GADL1: variants seen among roughly 807,000 people sequenced by gnomAD.
GADL1 encodes GAD like acidic amino acid decarboxylase 1.
GADL1 carries 71 observed loss-of-function variants against 69.5 expected under a neutral mutation model. The observed-to-expected ratio is 1.02, with a 90% CI of 0.84 to 1.25. The LOEUF is 1.25. Among genes scored for constraint, GADL1 ranks in the 50% most tolerant of loss-of-function variants. The pLI is 0.00. For missense variants in GADL1, 737 were observed against 631.8 expected (o/e 1.17, Z -1.79); for synonymous variants, 254 against 214.4 (o/e 1.18, Z -1.62).
chr3:30,834,218 T>C lies in GADL1; in HGVS notation c.967A>G (p.Arg323Gly). 6.2e-7 allele frequency: 1 copy of C among 1,612,236 alleles called. No individual in the cohort carries two copies. Among genetic ancestry groups the C allele is most frequent in the Non-Finnish European group, 8.5e-7 (1 of 1,178,658 alleles). Residue 323 changes from arginine to glycine, a missense_variant and splice_region_variant, in exon 10 of 15, where the codon AGG (arginine) becomes GGG (glycine). By Grantham distance (125) the Arg-to-Gly change is moderately radical (BLOSUM62 -2). Coordinates refer to ENST00000282538, the MANE Select transcript of GADL1 (RefSeq NM_207359.3). ...KHRKLLHGIH[R>G]ADSVAWNPHK... ...TGTACACCAGGAAACTACATTTACC[T>C]GTGGATGCCATGCAGAAGCTTGCGG... is the stretch of plus-strand genomic sequence containing the variant.
intron 1 of GADL1, among the ~76,000 whole-genome samples, chr3:30,888,663 GAGA>G (rs1698741611): frequency 6.6e-6 from 1 of 152,110 alleles, no homozygotes; most frequent in African/African-American, 2.4e-5. Flanking sequence ...CTTTCTTCAA[GAGA>G]AGGAGTATAT....
intron 8 of GADL1, among the ~76,000 whole-genome samples, chr3:30,840,156 T>C (rs777816856): frequency 5.3e-5 from 8 of 152,136 alleles, no homozygotes; most frequent in Non-Finnish European, 8.8e-5. Flanking sequence ...TTTTTTCCCC[T>C]CAGTTTTATA....
Position 30,778,179 on chromosome 3 carries a change from CA to C in GADL1, c.1391del (p.Leu464TrpfsTer10). 1.3e-6 allele frequency: 2 copies of C among 1,564,612 alleles called. No individual in the cohort carries two copies. The highest frequency in any genetic ancestry group is 8.8e-7 in the Non-Finnish European group (1 of 1,136,012). On this transcript the variant is annotated frameshift_variant and splice_region_variant, in exon 14 of 15. Coordinates refer to ENST00000282538, the MANE Select transcript of GADL1 (RefSeq NM_207359.3). LOFTEE classifies it high-confidence loss of function. ...EGPEFWAKLN[L>X]VAPAIKERMM... ...AAAATACCATTTACTTATTACTTAC[CA>C]AATTAAGTTTTGCCCAGAACTCGGG...
intron 14 of GADL1, among the ~76,000 whole-genome samples, chr3:30,732,683 G>T (rs927240717): frequency 6.6e-6 from 1 of 152,150 alleles, no homozygotes; most frequent in Non-Finnish European, 1.5e-5. Context: ...AAAATAAAAT[G>T]ATAATTTCCA....
intron 8 of GADL1, among the ~76,000 whole-genome samples, chr3:30,843,075 C>T (rs1480147418): frequency 6.6e-6 from 1 of 152,016 alleles, no homozygotes; most frequent in Non-Finnish European, 1.5e-5. Flanking sequence ...TGTATCCCAG[C>T]TCAGGAGCCA....
intron 1 of GADL1, among the ~76,000 whole-genome samples, chr3:30,889,048 A>T (rs1157773662): frequency 4.1e-5 from 6 of 146,466 alleles, no homozygotes; most frequent in African/African-American, 1.5e-4. Context: ...ACATTTTCAT[A>T]CTGCTATGAA....
At chr3:30,856,486 T>G (rs1470581237) in intron 3 of GADL1, among the ~76,000 whole-genome samples, 1 of 152,084 alleles carries the variant, frequency 6.6e-6, no homozygotes, top group Non-Finnish European at 1.5e-5. Context: ...CTTATATCCA[T>G]CTAAGGGCTT....
At chr3:30,736,327 T>C (rs1695540849) in intron 14 of GADL1, among the ~76,000 whole-genome samples, 1 of 152,140 alleles carries the variant, frequency 6.6e-6, no homozygotes. Context: ...CTCTGTGACT[T>C]TGGGCCAATA....
intron 11 of GADL1, among the ~76,000 whole-genome samples, chr3:30,830,189 A>G (rs1001688578): frequency 2.0e-5 from 3 of 151,956 alleles, no homozygotes; most frequent in South Asian, 4.1e-4. Flanking sequence ...TAAGAACCTC[A>G]TTCTGGAGGG....
chr3:30,727,138 T>TATGTATGTGTGTGTATATATATAC lies in GADL1; in HGVS notation c.*1103_*1104insGTATATATATACACACACATACAT, dbSNP rs1378953110. On this transcript the variant is annotated 3_prime_UTR_variant, in exon 15 of 15. Transcript: ENST00000282538. The stretch of plus-strand genomic sequence containing the variant: ...ATGTATGTGTGTGTATATATATACA[T>TATGTATGTGTGTGTATATATATAC]ATATATGTATATATGTATATCACAG... The TATGTATGTGTGTGTATATATATAC allele has an allele frequency of 6.3e-4, 95 of 149,866 alleles. No individual in the cohort carries two copies. The highest frequency in any genetic ancestry group is 2.2e-3 in the African/African-American group (90 of 40,520). The allele number at this position is 149,866 out of a possible 1,614,324, so 9.3% of individuals were successfully genotyped here.
At chr3:30,893,535 G>A (rs978669230) in intron 1 of GADL1, among the ~76,000 whole-genome samples, 6 of 151,866 alleles carry the variant, frequency 4.0e-5, no homozygotes, top group Non-Finnish European at 5.9e-5. Flanking sequence ...AGCCCTCTCC[G>A]CTCCCCAGCC....
At chr3:30,875,478 G>C (rs889065111) in intron 1 of GADL1, among the ~76,000 whole-genome samples, 1 of 151,858 alleles carries the variant, frequency 6.6e-6, no homozygotes, top group Admixed American at 6.6e-5. Context: ...AGACAAGACT[G>C]TTCAGTTATG....
At chr3:30,736,886 G>A (rs1014805467) in intron 14 of GADL1, among the ~76,000 whole-genome samples, 1 of 152,102 alleles carries the variant, frequency 6.6e-6, no homozygotes, top group Non-Finnish European at 1.5e-5. Flanking sequence ...ATTTCTATCT[G>A]TTGCATAAGT....
At chr3:30,866,055 C>T (rs868659525) in intron 1 of GADL1, among the ~76,000 whole-genome samples, 29 of 152,204 alleles carry the variant, frequency 1.9e-4, no homozygotes, top group Middle Eastern at 3.4e-3. Flanking sequence ...CTTCCTCTGA[C>T]ATAGAATTAA....
intron 14 of GADL1, among the ~76,000 whole-genome samples, chr3:30,766,949 A>T (rs376239125): frequency 2.0e-5 from 3 of 152,332 alleles, no homozygotes; most frequent in African/African-American, 7.2e-5. Context: ...CATGGAGAAG[A>T]TATCTGGGGC....
At chr3:30,833,392 C>T (rs970120402) in intron 11 of GADL1, among the ~76,000 whole-genome samples, 1 of 152,076 alleles carries the variant, frequency 6.6e-6, no homozygotes, top group Non-Finnish European at 1.5e-5. Flanking sequence ...CGAAGATCAG[C>T]CCTGAACAAA....
intron 11 of GADL1, among the ~76,000 whole-genome samples, chr3:30,824,975 T>C (rs9310950): frequency 0.37 from 55,426 of 151,670 alleles, 13,933 homozygotes; most frequent in African/African-American, 0.68. Context: ...AACTTTCAAA[T>C]TCCCAACTAG....
At chr3:30,872,418 T>C (rs1284919384) in intron 1 of GADL1, among the ~76,000 whole-genome samples, 2 of 151,974 alleles carry the variant, frequency 1.3e-5, no homozygotes, top group Non-Finnish European at 1.5e-5. Context: ...TGTCCTTTCT[T>C]ATTCTTCATC....
rs542176243 is a variant in GADL1, at chr3:30,780,780, A to C, written c.1303-2512T>G. Among the ~76,000 whole-genome samples the C allele has an allele frequency of 2.6e-5, 4 of 152,330 alleles. No individual in the cohort carries two copies. In the South Asian group the frequency reaches 6.2e-4, roughly 24 times the overall value. ...TGGCTTCAGTGCTACAACATTTGAA[A>C]GCTTATAAAGCCCTTCTGACACTTC... On this transcript the variant is annotated intron_variant, in intron 13 of 14. Coordinates refer to ENST00000282538, the MANE Select transcript of GADL1 (RefSeq NM_207359.3).
Sources: gnomAD v4.1 joint callset for allele counts (sites outside exome capture counted in the v4.1 genomes callset) on GRCh38, gnomAD v4.1.1 for gene constraint, MANE v1.5 for transcripts, NCBI Gene and HGNC (gene_info 2026-07-23, HGNC 2026-07-21) for gene names.